Variants in AKT1S1 observed in about 807,000 individuals in gnomAD.
AKT1S1 encodes the protein AKT1 substrate 1.
In AKT1S1, 17 loss-of-function variants were observed where a neutral mutation model predicts 21.2. The observed-to-expected ratio is 0.80, with a 90% CI of 0.55 to 1.20. The LOEUF is 1.20. Among genes scored for constraint, AKT1S1 ranks in the 50% most tolerant of loss-of-function variants. The pLI, the probability that AKT1S1 is intolerant of heterozygous loss-of-function variation, is 0.00. For missense variants in AKT1S1, 366 were observed against 368.3 expected, an observed-to-expected ratio of 0.99 and a Z score of 0.05; for synonymous variants, 181 against 165.6, an observed-to-expected ratio of 1.09 and a Z score of -0.72.
Position 49,869,912 on chromosome 19 carries a change from G to A in AKT1S1, c.*5C>T, listed in dbSNP as rs1176660786. 3 of 1,509,130 alleles carry A rather than the reference G, an allele frequency of 2.0e-6. No individual in the cohort carries two copies. The African/African-American group carries it at 4.2e-5, about 21-fold the overall frequency. The allele number at this position is 1,509,130 out of a possible 1,614,324, so 93.5% of individuals were successfully genotyped here. On this transcript the variant is annotated 3_prime_UTR_variant, in exon 5 of 5. Coordinates refer to ENST00000344175, the MANE Select transcript of AKT1S1 (RefSeq NM_001098633.4). ...ACGCGGCCCGGGGCGCTCCCTCCCT[G>A]GACTTCAATATTTCCGCTTCAGCTT...
upstream of AKT1S1, chr19:49,878,021 G>T (rs545308609): frequency 3.1e-5 from 26 of 843,112 alleles, no homozygotes; most frequent in South Asian, 4.6e-4. Context: ...CCTTGGTCCC[G>T]GGGCAATGGC....
In AKT1S1 at chr19:49,873,644, G is replaced by C. The variant is rs1035937090; in HGVS notation, c.-7-342C>G. On this transcript the variant is annotated intron_variant, in intron 1 of 4. Transcript: ENST00000344175. This position sits in a 1 kb window ranked among gnomAD's most constrained non-coding sequence, Gnocchi z 6.9. ...CAGGGAGTCCTAGCAGAGAGTCCTA[G>C]CAGAGAGGCCTCTAACAATAAAACC... The C allele has an allele frequency of 2.1e-5, 6 of 287,182 alleles. No homozygotes were observed. Among genetic ancestry groups the C allele is most frequent in the Non-Finnish European group, 2.6e-5 (4 of 154,882 alleles). The allele number at this position is 287,182 out of a possible 1,614,324, so 17.8% of individuals were successfully genotyped here.
At position 49,871,606 on chromosome 19, in the gene AKT1S1, C is replaced by T. The variant is rs574163502; in HGVS notation, c.568G>A (p.Val190Ile). The T allele has an allele frequency of 3.3e-5, 53 of 1,614,064 alleles. No homozygotes were observed. The East Asian group carries it at 9.6e-4, about 29-fold the overall frequency. ...GTCCTCTTCTCCTTGAAGCCCCAGA[C>T]GGGCACAGACACAGGCAGGGACTTG... ...YAKSLPVSVPVWGFKEKRTEA... is the reference protein window; with the variant it reads ...YAKSLPVSVPIWGFKEKRTEA... The change falls in exon 4 of 5, where the codon GTC becomes ATC. Residue 190 changes from valine to isoleucine, a missense_variant. By Grantham distance (29) the Val-to-Ile change is conservative. Coordinates refer to ENST00000344175, the MANE Select transcript of AKT1S1 (RefSeq NM_001098633.4).
intron 2 of AKT1S1, among the ~76,000 whole-genome samples, chr19:49,872,325 G>A (rs1003148734): frequency 6.6e-6 from 1 of 152,154 alleles, no homozygotes; most frequent in Non-Finnish European, 1.5e-5. Context: ...CCCTACACGG[G>A]TTTTCTCCAG....
In AKT1S1 at chr19:49,869,733, C is replaced by A. The variant is rs1162890169; in HGVS notation, c.*184G>T. The A allele has an allele frequency of 4.8e-6, 3 of 628,294 alleles. No individual in the cohort carries two copies. The highest frequency in any genetic ancestry group is 4.9e-6 in the Non-Finnish European group (2 of 404,992). The allele number at this position is 628,294 out of a possible 1,614,324, so 38.9% of individuals were successfully genotyped here. A position where few individuals can be genotyped will look rare whatever the true frequency, so the allele number is the denominator to read the frequency against. On this transcript the variant is annotated 3_prime_UTR_variant, in exon 5 of 5. Coordinates refer to ENST00000344175, the MANE Select transcript of AKT1S1 (RefSeq NM_001098633.4). ...ATCGGGAAACGGGACAGATGCCGCT[C>A]CTCGGCGCGGCAGGTCGTGGGCTGG...
At chr19:49,870,541 G>A (rs1306239219) in intron 4 of AKT1S1, among the ~76,000 whole-genome samples, 3 of 152,200 alleles carry the variant, frequency 2.0e-5, no homozygotes, top group Admixed American at 1.3e-4. Context: ...AGCTGTTACT[G>A]CCTTATCATG....
chr19:49,878,240 A>G, upstream of AKT1S1: 2 of 1,556,960 alleles, frequency 1.3e-6, no homozygotes, highest in Non-Finnish European at 1.7e-6. Flanking sequence ...GTCGTGGAAA[A>G]GGTGCGCTGG....
At position 49,871,856 on chromosome 19, in the gene AKT1S1, T is replaced by C. The variant is rs2074889278; in HGVS notation, c.413A>G (p.Gln138Arg). The part of the protein sequence containing the change: ...LFVMDEDATL[Q>R]DLPPFCESDP... ...TGACTCACAGAAGGGGGGAAGGTCCTGGAGGGTGGCGTCCTCATCCATCAC... is the reference window on the plus strand; with the variant it reads ...TGACTCACAGAAGGGGGGAAGGTCCCGGAGGGTGGCGTCCTCATCCATCAC... The change falls in exon 3 of 5, where the codon CAG (glutamine) becomes CGG (arginine). Residue 138 changes from glutamine to arginine, a missense_variant. Transcript: ENST00000344175. The C allele has an allele frequency of 6.2e-7, 1 of 1,612,736 alleles. No homozygotes were observed.
chr19:49,877,293 G>A lies in AKT1S1; in HGVS notation c.-64C>T. 5.3e-6 allele frequency: 1 copy of A among 187,346 alleles called. No homozygotes were observed. The highest frequency in any genetic ancestry group is 1.1e-5 in the Non-Finnish European group (1 of 89,540). The allele number at this position is 187,346 out of a possible 1,614,324, so 11.6% of individuals were successfully genotyped here. ...GCTGTCGCGCCCCGCAGAGAGATGG[G>A]ACAGCCCCGTATTAACATGGCCTTA... is the stretch of plus-strand genomic sequence containing the variant. On this transcript the variant is annotated 5_prime_UTR_variant, in exon 1 of 5. Transcript: ENST00000344175.
rs1257186253 is a variant in AKT1S1, at chr19:49,869,817, C to T, written c.*100G>A. The T allele has an allele frequency of 2.4e-6, 3 of 1,239,512 alleles. No homozygotes were observed. The highest frequency in any genetic ancestry group is 3.1e-6 in the Non-Finnish European group (3 of 954,260). 76.8% of individuals were successfully genotyped at this position (1,239,512 alleles called of 1,614,324 possible). A position where few individuals can be genotyped will look rare whatever the true frequency, so the allele number is the denominator to read the frequency against. On this transcript the variant is annotated 3_prime_UTR_variant, in exon 5 of 5. Coordinates refer to ENST00000344175, the MANE Select transcript of AKT1S1 (RefSeq NM_001098633.4). ...CTTGGGAATGGGAGACGCAAGGAGG[C>T]CGGTCCCGGATCGGCCTCAGATTAG...
upstream of AKT1S1, chr19:49,877,833 G>C (rs993066035): frequency 6.8e-7 from 1 of 1,460,890 alleles, no homozygotes; most frequent in Non-Finnish European, 9.3e-7. Context: ...TGGCTCTCGA[G>C]AATCCGGCAC....
chr19:49,876,651 G>C (rs186988431), intron 1 of AKT1S1: 135 of 1,504,508 alleles, frequency 9.0e-5, no homozygotes, highest in Middle Eastern at 3.4e-4. Flanking sequence ...GCCCTCAAAA[G>C]ACATGGCGGC....
At chr19:49,878,339 C>A, upstream of AKT1S1, 1 of 1,275,182 alleles carries the variant, frequency 7.8e-7, no homozygotes, top group Non-Finnish European at 1.1e-6. Flanking sequence ...TGGCGGTCAG[C>A]AGTGGGACCT....
In AKT1S1 at chr19:49,873,150, T is replaced by C. The variant is rs901245546; in HGVS notation, c.146A>G (p.His49Arg). ...TGCCTCCGCCAGGGCTCCTCGACCA[T>C]GGGCAGCATAGGCACAGGGGCCCGG... ...PRPGPCAYAA[H>R]GRGALAEAAR... Residue 49 changes from histidine to arginine, a missense_variant, in exon 2 of 5, where the codon CAT becomes CGT. Transcript: ENST00000344175. This position sits in a 1 kb window ranked among gnomAD's most constrained non-coding sequence, Gnocchi z 6.9. The C allele has an allele frequency of 7.1e-6, 11 of 1,538,564 alleles. No homozygotes were observed. The highest frequency in any genetic ancestry group is 5.5e-5 in the African/African-American group (4 of 73,070).
intron 4 of AKT1S1, among the ~76,000 whole-genome samples, chr19:49,870,789 T>A (rs1265087444): frequency 1.3e-5 from 2 of 152,072 alleles, no homozygotes; most frequent in African/African-American, 4.8e-5. Flanking sequence ...TTGCCATGAG[T>A]CGCAAGCACA....
chr19:49,873,460 G>T lies in AKT1S1; in HGVS notation c.-7-158C>A. On this transcript the variant is annotated intron_variant, in intron 1 of 4. Coordinates refer to ENST00000344175, the MANE Select transcript of AKT1S1 (RefSeq NM_001098633.4). The surrounding 1 kb of genome is among the most constrained non-coding windows in gnomAD (Gnocchi z 6.9). Reference sequence around the variant, plus strand: ...TCCTCCCCAAACCTGCTACTCCCCAGGATTCTCACCATCCAGTCCTCGCAG... The same window carrying T: ...TCCTCCCCAAACCTGCTACTCCCCATGATTCTCACCATCCAGTCCTCGCAG... 2 of 1,295,108 alleles carry T rather than the reference G, an allele frequency of 1.5e-6. No individual in the cohort carries two copies. 80.2% of individuals were successfully genotyped at this position (1,295,108 alleles called of 1,614,324 possible).
chr19:49,876,288 T>C, intron 1 of AKT1S1: 1 of 1,180,554 alleles, frequency 8.5e-7, no homozygotes, highest in East Asian at 3.7e-5. Flanking sequence ...GTCCCGCCTT[T>C]GGACGGGTGA....
rs1461124344 is a variant in AKT1S1, at chr19:49,869,563, AG to A, written c.*353del. On this transcript the variant is annotated 3_prime_UTR_variant, in exon 5 of 5. Transcript: ENST00000344175. Reference sequence around the variant, plus strand: ...TCAAAAAAAGAGCTGTCCAGCGACTAGGGGATGGAGCCAATGCCGTGCGAGC... The same window carrying A: ...TCAAAAAAAGAGCTGTCCAGCGACTAGGGATGGAGCCAATGCCGTGCGAGC... 5.1e-6 allele frequency: 1 copy of A among 197,896 alleles called. No homozygotes were observed. Among genetic ancestry groups the A allele is most frequent in the Non-Finnish European group, 1.0e-5 (1 of 97,956 alleles). The allele number at this position is 197,896 out of a possible 1,614,324, so 12.3% of individuals were successfully genotyped here. A position where few individuals can be genotyped will look rare whatever the true frequency, so the allele number is the denominator to read the frequency against.
rs750324380 is a variant in AKT1S1 at position 49,876,678 on chromosome 19, G to T, written c.-8+559C>A. The T allele has an allele frequency of 1.4e-5, 21 of 1,473,354 alleles. No homozygotes were observed. The South Asian group carries it at 2.6e-4, about 19-fold the overall frequency. The allele number at this position is 1,473,354 out of a possible 1,614,324, so 91.3% of individuals were successfully genotyped here. On this transcript the variant is annotated intron_variant, in intron 1 of 4. Coordinates refer to ENST00000344175, the MANE Select transcript of AKT1S1 (RefSeq NM_001098633.4). ...CATGGCGGCGCCTTGCGTCACGTCCGCGCAGTTGCCCCGCCTCCTCTCCGC... is the reference window on the plus strand; with the variant it reads ...CATGGCGGCGCCTTGCGTCACGTCCTCGCAGTTGCCCCGCCTCCTCTCCGC...
Sources: gnomAD v4.1 joint callset for allele counts (sites outside exome capture counted in the v4.1 genomes callset) on GRCh38, gnomAD v4.1.1 for gene constraint, Gnocchi (gnomAD v3.1) non-coding constraint, MANE v1.5 for transcripts, NCBI Gene and HGNC (gene_info 2026-07-23, HGNC 2026-07-21) for gene names.